Variants in TEDC2 observed in about 807,000 individuals in gnomAD.
TEDC2 encodes the protein tubulin epsilon and delta complex 2.
TEDC2 carries 49 observed loss-of-function variants against 48.1 expected under a neutral mutation model. That is an observed-to-expected ratio of 1.02 (90% confidence interval 0.81 to 1.29). The LOEUF (loss-of-function observed/expected upper bound fraction) is 1.29, where lower values mean the gene tolerates loss of function less well. Ranked by LOEUF, TEDC2 falls within the 50% of genes most tolerant of loss-of-function variation. The probability of loss-of-function intolerance (pLI) is 0.00; values close to 1 mark genes in which losing one functional copy is unlikely to be tolerated. For missense variants in TEDC2, 631 were observed against 571.4 expected (o/e 1.10, Z -1.06); for synonymous variants, 299 against 247.1 (o/e 1.21, Z -1.97).
intron 4 of TEDC2, chr16:2,461,529 C>G: frequency 1.6e-6 from 1 of 641,264 alleles, no homozygotes; most frequent in Non-Finnish European, 2.6e-6. Context: ...CACAGGGCCC[C>G]GCTCACAGGG....
Position 2,461,124 on chromosome 16 carries a change from G to A in TEDC2, c.505G>A (p.Gly169Arg). The A allele has an allele frequency of 6.4e-7, 1 of 1,568,184 alleles. No homozygotes were observed. Among genetic ancestry groups the A allele is most frequent in the Non-Finnish European group, 8.7e-7 (1 of 1,155,138 alleles). Residue 169 changes from glycine to arginine, a missense_variant, in exon 4 of 10, where the codon GGA (glycine) becomes AGA (arginine). Coordinates refer to ENST00000361837, the MANE Select transcript of TEDC2 (RefSeq NM_025108.3). ...GGGGGATGGGACCCGTGTTGGGATG[G>A]GAGCCCGAACCCCCAGGCCTGGGGC... ...SVGDGTRVGM[G>R]ARTPRPGAGL... is the part of the protein sequence containing the mutation.
intron 6 of TEDC2, 53 bp downstream of exon 6, chr16:2,462,292 C>A: frequency 6.2e-7 from 1 of 1,605,866 alleles, no homozygotes; most frequent in Non-Finnish European, 8.5e-7. Flanking sequence ...CTGAACCTGG[C>A]AGGTTTGCAG....
chr16:2,461,899 T>A (rs2065469223), intron 5 of TEDC2, 99 bp downstream of exon 5: 1 of 1,446,764 alleles, frequency 6.9e-7, no homozygotes, highest in Non-Finnish European at 9.7e-7. Flanking sequence ...GGTCTCTTTG[T>A]CCTCTTTGCT....
At chr16:2,463,396 G>A (rs1042478535) in intron 8 of TEDC2, among the ~76,000 whole-genome samples, 1 of 152,168 alleles carries the variant, frequency 6.6e-6, no homozygotes, top group Non-Finnish European at 1.5e-5. Context: ...GGAGGCCAAG[G>A]CAGGCGGATC....
In TEDC2 at chr16:2,464,850, C is replaced by A; in HGVS notation, c.*182C>A. The stretch of plus-strand genomic sequence containing the variant: ...CTGGTCAGGGCTGGCTTTCAGCCTT[C>A]CTAAGGCTCCTGGACTCCAGAGGCC... On this transcript the variant is annotated 3_prime_UTR_variant, in exon 10 of 10. Transcript: ENST00000361837. The A allele has an allele frequency of 2.4e-6, 2 of 823,076 alleles. No individual in the cohort carries two copies. Among genetic ancestry groups the A allele is most frequent in the Non-Finnish European group, 3.7e-6 (2 of 541,512 alleles). The allele number at this position is 823,076 out of a possible 1,614,324, so 51.0% of individuals were successfully genotyped here. A position where few individuals can be genotyped will look rare whatever the true frequency, so the allele number is the denominator to read the frequency against.
rs762488575 is a variant in TEDC2, at chr16:2,464,554, C to T, written c.1188C>T (p.Ser396=). Residue 396 remains serine (S), a synonymous_variant, in exon 10 of 10, where the codon AGC becomes AGT. Coordinates refer to ENST00000361837, the MANE Select transcript of TEDC2 (RefSeq NM_025108.3). ...VLMAELLPLV[S]AAQPQGPPWL... is the part of the protein sequence containing the mutation. ...TGGCTGAACTCCTCCCCCTGGTAAG[C>T]GCTGCACAGCCGCAGGGGCCGCCCT... 3.1e-5 allele frequency: 50 copies of T among 1,596,708 alleles called. No individual in the cohort carries two copies. The highest frequency in any genetic ancestry group is 3.0e-4 in the South Asian group (27 of 89,724).
intron 2 of TEDC2, 80 bp from the exon 3 acceptor site, chr16:2,460,543 C>T: frequency 6.4e-7 from 1 of 1,562,652 alleles, no homozygotes; most frequent in South Asian, 1.2e-5. Flanking sequence ...GGGCCTGCCG[C>T]GGGGCCCGGC....
At position 2,460,506 on chromosome 16, in the gene TEDC2, C is replaced by A. The variant is rs541503093; in HGVS notation, c.126-117C>A. On this transcript the variant is annotated intron_variant, in intron 2 of 9. Transcript: ENST00000361837. Reference sequence around the variant, plus strand: ...GGAGCTGTGGGTTGTCAGTGCCACCCTCCTTACCCTGCAGGCTCTGAGCTG... The same window carrying A: ...GGAGCTGTGGGTTGTCAGTGCCACCATCCTTACCCTGCAGGCTCTGAGCTG... 7.3e-6 allele frequency: 11 copies of A among 1,511,624 alleles called. No individual in the cohort carries two copies. The South Asian group carries it at 1.3e-4, about 18-fold the overall frequency. The allele number at this position is 1,511,624 out of a possible 1,614,324, so 93.6% of individuals were successfully genotyped here.
At chr16:2,464,393 G>A (rs995475528) in intron 9 of TEDC2, 129 bp from the exon 10 acceptor site, 28 of 1,321,226 alleles carry the variant, frequency 2.1e-5, no homozygotes, top group Non-Finnish European at 2.9e-5. Context: ...GGGCTGGGAC[G>A]GCAGGAGGGA....
intron 5 of TEDC2, 52 bp downstream of exon 5, chr16:2,461,852 C>G (rs2065468970): frequency 1.2e-6 from 2 of 1,601,034 alleles, no homozygotes. Flanking sequence ...CGGGAGGCAT[C>G]ACCAGCTCGG....
In TEDC2 at chr16:2,461,268, T is replaced by G. The variant is rs975867954; in HGVS notation, c.605+44T>G. ...CACTGGAGGGACTTCTGTCTCTGCCTCCTCAGACCCTGGCTAGCAAGGAGC... is the reference window on the plus strand; with the variant it reads ...CACTGGAGGGACTTCTGTCTCTGCCGCCTCAGACCCTGGCTAGCAAGGAGC... On this transcript the variant is annotated intron_variant, in intron 4 of 9. Transcript: ENST00000361837. 4 of 1,433,388 alleles carry G rather than the reference T, an allele frequency of 2.8e-6. No individual in the cohort carries two copies. The African/African-American group carries it at 4.3e-5, about 15-fold the overall frequency. The allele number at this position is 1,433,388 out of a possible 1,614,324, so 88.8% of individuals were successfully genotyped here.
Sources: allele counts gnomAD v4.1 joint callset (sites outside exome capture counted in the v4.1 genomes callset), GRCh38; gene constraint gnomAD v4.1.1; transcripts MANE v1.5; gene names NCBI Gene and HGNC (gene_info 2026-07-23, HGNC 2026-07-21).